Variants in NTRK3 observed in about 807,000 individuals in gnomAD.
NTRK3 encodes NT-3 growth factor receptor.
A neutral mutation model predicts 91.7 loss-of-function variants in NTRK3; 24 were observed. The ratio of observed to expected loss-of-function variants is 0.26; its 90% CI spans 0.19 to 0.37. NTRK3 has a LOEUF of 0.37. Among genes scored for constraint, NTRK3 ranks in the 10% least tolerant of loss-of-function variants. The pLI is 1.00. For synonymous variants in NTRK3, 483 were observed against 404.0 expected, an observed-to-expected ratio of 1.20 and a Z score of -2.34; for missense variants, 880 against 1,068.9, an observed-to-expected ratio of 0.82 and a Z score of 2.46.
chr15:88,167,421 A>C (rs61467649), intron 5 of NTRK3, among the ~76,000 whole-genome samples: 2,706 of 152,254 alleles, frequency 0.018, 67 homozygotes, highest in African/African-American at 0.061. Flanking sequence ...AGAACTTGAA[A>C]AAGTCTGAGA....
At chr15:88,003,419 A>G (rs893708555) in intron 14 of NTRK3, among the ~76,000 whole-genome samples, 4 of 152,358 alleles carry the variant, frequency 2.6e-5, no homozygotes, top group South Asian at 4.1e-4. Context: ...CTAACTTTGC[A>G]CCAGGCACTG....
intron 13 of NTRK3, among the ~76,000 whole-genome samples, chr15:88,060,604 G>A (rs1169700658): frequency 6.6e-6 from 1 of 152,082 alleles, no homozygotes; most frequent in Non-Finnish European, 1.5e-5. Flanking sequence ...ATGACCATGG[G>A]GACCATCCAG....
In NTRK3 at chr15:88,050,515, GTA is replaced by G. The variant is rs1491044049; in HGVS notation, c.1397-17472_1397-17471del. Among the ~76,000 whole-genome samples, 95 of 115,838 alleles carry G rather than the reference GTA, an allele frequency of 8.2e-4. No individual in the cohort carries two copies. In the Middle Eastern group the frequency reaches 0.013, roughly 15 times the overall value. 76.0% of individuals were successfully genotyped at this position (115,838 alleles called of 152,430 possible). A position where few individuals can be genotyped will look rare whatever the true frequency, so the allele number is the denominator to read the frequency against. ...TGTGTGTGTGTGTGTGTGTGTGTGT[GTA>G]TGTGTGTGTGTGTTTGTATAGAAAG... On this transcript the variant is annotated intron_variant, in intron 13 of 18. Coordinates refer to ENST00000394480, the Ensembl canonical transcript of NTRK3.
chr15:88,215,374 C>T (rs1489719518), intron 3 of NTRK3, among the ~76,000 whole-genome samples: 2 of 152,246 alleles, frequency 1.3e-5, no homozygotes, highest in Non-Finnish European at 2.9e-5. Context: ...GCCCCAATAA[C>T]TGTCTCCCTC....
At chr15:88,176,133 C>CTTTTTT (rs1167029194) in intron 5 of NTRK3, among the ~76,000 whole-genome samples, 6 of 115,646 alleles carry the variant, frequency 5.2e-5, no homozygotes, top group African/African-American at 2.4e-4. Flanking sequence ...CTATATGCCC[C>CTTTTTT]TTCTTTTTTT....
chr15:88,114,606 C>A (rs1402660961), intron 13 of NTRK3, among the ~76,000 whole-genome samples: 1 of 152,148 alleles, frequency 6.6e-6, no homozygotes, highest in East Asian at 1.9e-4. Flanking sequence ...AGGCTGTTAG[C>A]AGAAATAATG....
intron 14 of NTRK3, among the ~76,000 whole-genome samples, chr15:88,032,038 C>T (rs1052046254): frequency 6.6e-6 from 1 of 152,146 alleles, no homozygotes; most frequent in South Asian, 2.1e-4. Context: ...TCCCTGTTCT[C>T]CAGGAGCTGC....
At chr15:88,000,462 C>T (rs2076024275) in intron 14 of NTRK3, among the ~76,000 whole-genome samples, 1 of 152,196 alleles carries the variant, frequency 6.6e-6, no homozygotes, top group Non-Finnish European at 1.5e-5. Context: ...ACCACACACA[C>T]ATACACACAT....
intron 10 of NTRK3, among the ~76,000 whole-genome samples, chr15:88,129,193 T>C (rs2053581078): frequency 6.6e-6 from 1 of 152,204 alleles, no homozygotes; most frequent in Admixed American, 6.5e-5. Flanking sequence ...AGCAGGTCAC[T>C]GAGAAGTTCT....
intron 13 of NTRK3, among the ~76,000 whole-genome samples, chr15:88,035,192 G>C (rs551777752): frequency 6.6e-6 from 1 of 152,194 alleles, no homozygotes; most frequent in Non-Finnish European, 1.5e-5. Flanking sequence ...AATATTTGCA[G>C]GCAGCCAGTT....
At chr15:88,124,283 C>G (rs2053049079) in intron 13 of NTRK3, among the ~76,000 whole-genome samples, 2 of 152,136 alleles carry the variant, frequency 1.3e-5, no homozygotes, top group Admixed American at 6.5e-5. Flanking sequence ...CTGACCCAAC[C>G]AGGGCCAAGA....
chr15:88,043,685 A>G (rs934903319), intron 13 of NTRK3, among the ~76,000 whole-genome samples: 2 of 152,244 alleles, frequency 1.3e-5, no homozygotes, highest in East Asian at 1.9e-4. Flanking sequence ...CAAGAGGGAA[A>G]TCTAATATCT....
At chr15:87,988,630 T>G (rs1201924765) in intron 14 of NTRK3, among the ~76,000 whole-genome samples, 1 of 152,206 alleles carries the variant, frequency 6.6e-6, no homozygotes, top group Non-Finnish European at 1.5e-5. Context: ...CATTCAGAAT[T>G]TATAATTTAA....
At chr15:88,147,195 C>A in intron 6 of NTRK3, 140 bp downstream of exon 6, 1 of 752,782 alleles carries the variant, frequency 1.3e-6, no homozygotes, top group Non-Finnish European at 2.4e-6. Context: ...GAACATGGTA[C>A]ACTCTGTGTC....
intron 14 of NTRK3, among the ~76,000 whole-genome samples, chr15:87,956,318 A>G (rs1180746027): frequency 6.6e-6 from 1 of 152,210 alleles, no homozygotes. Context: ...TCTGTCACCC[A>G]GGCTGGAATG....
chr15:87,932,228 G>T (rs1014563363), intron 16 of NTRK3, among the ~76,000 whole-genome samples: 1 of 152,184 alleles, frequency 6.6e-6, no homozygotes, highest in African/African-American at 2.4e-5. Flanking sequence ...TCTAGGCTCG[G>T]AGAAACCCTT....
chr15:88,075,830 G>A (rs1019082753), intron 13 of NTRK3, among the ~76,000 whole-genome samples: 2 of 152,174 alleles, frequency 1.3e-5, no homozygotes, highest in African/African-American at 4.8e-5. Context: ...TCTACTACTT[G>A]CTGACCATGT....
At chr15:88,161,710 G>A (rs1220948152) in intron 5 of NTRK3, among the ~76,000 whole-genome samples, 1 of 152,190 alleles carries the variant, frequency 6.6e-6, no homozygotes, top group Non-Finnish European at 1.5e-5. Flanking sequence ...AGGTCTTGTA[G>A]AGTGATCACA....
intron 5 of NTRK3, among the ~76,000 whole-genome samples, chr15:88,181,852 G>A (rs896976275): frequency 2.0e-5 from 3 of 152,176 alleles, no homozygotes; most frequent in African/African-American, 7.2e-5. Flanking sequence ...GACCCCACCT[G>A]GTCCACCATG....
Sources: gnomAD v4.1 joint callset for allele counts (sites outside exome capture counted in the v4.1 genomes callset) on GRCh38, gnomAD v4.1.1 for gene constraint, MANE v1.5 for transcripts, NCBI Gene and HGNC (gene_info 2026-07-23, HGNC 2026-07-21) for gene names.